Variants in LRP2 observed in about 807,000 individuals in gnomAD.
The protein encoded by LRP2 is LDL receptor related protein 2.
Under a neutral mutation model 531.0 loss-of-function variants are expected in LRP2, and 172 were observed. The ratio of observed to expected loss-of-function variants is 0.32; its 90% confidence interval spans 0.29 to 0.37. The LOEUF (loss-of-function observed/expected upper bound fraction) is 0.37, where lower values mean the gene tolerates loss of function less well. Ranked by LOEUF, LRP2 falls within the 10% of genes least tolerant of loss-of-function variation. The pLI is 1.00. For missense variants in LRP2, 5,167 were observed against 5,868.3 expected (o/e 0.88, Z 3.90); for synonymous variants, 1,992 against 2,027.6 (o/e 0.98, Z 0.47).
At chr2:169,275,399 A>C in intron 13 of LRP2, 161 bp from the exon 14 acceptor site, 1 of 645,426 alleles carries the variant, frequency 1.5e-6, no homozygotes, top group Non-Finnish European at 2.7e-6. Context: ...ACATATTTCC[A>C]TCTACATATG....
intron 2 of LRP2, among the ~76,000 whole-genome samples, chr2:169,319,601 T>C (rs1450461730): frequency 6.6e-6 from 1 of 152,216 alleles, no homozygotes; most frequent in Admixed American, 6.5e-5. Flanking sequence ...CCTTGCCTTT[T>C]TGCTTTTATT....
At chr2:169,187,295 T>C (rs1687667727) in intron 49 of LRP2, among the ~76,000 whole-genome samples, 1 of 152,234 alleles carries the variant, frequency 6.6e-6, no homozygotes, top group South Asian at 2.1e-4. Context: ...CTACATTACA[T>C]ACTTCTGGGT....
At chr2:169,312,732 G>A (rs1684648576) in intron 3 of LRP2, among the ~76,000 whole-genome samples, 2 of 152,170 alleles carry the variant, frequency 1.3e-5, no homozygotes, top group Admixed American at 1.3e-4. Flanking sequence ...TGTATTTCCT[G>A]AATTTGAGTG....
chr2:169,212,013 C>A lies in LRP2; in HGVS notation c.6235G>T (p.Glu2079Ter). The change falls in exon 37 of 79, where the codon GAA becomes TAA. Residue 2079 changes from glutamate (E) to a stop codon, truncating the protein, a stop_gained. Coordinates refer to ENST00000649046, the MANE Select transcript of LRP2 (RefSeq NM_004525.3). LOFTEE classifies it high-confidence loss of function. The stretch of plus-strand genomic sequence containing the variant: ...ATGGTTTCTGAATGATCTGACAATT[C>A]CAAGCTAAAGCCTCTGATTGCAGAC... The part of the protein sequence containing the change: ...MLSAIRGFSL[E>*]LSDHSETMVP... 1 of 1,613,944 alleles carries A rather than the reference C, an allele frequency of 6.2e-7. No homozygotes were observed. Among genetic ancestry groups the A allele is most frequent in the South Asian group, 1.1e-5 (1 of 91,074 alleles).
At chr2:169,311,722 G>A (rs1684603248) in intron 3 of LRP2, among the ~76,000 whole-genome samples, 1 of 152,106 alleles carries the variant, frequency 6.6e-6, no homozygotes, top group Non-Finnish European at 1.5e-5. Context: ...AGGTCTGCTT[G>A]GTGCAGAGCT....
At chr2:169,220,331 T>C (rs879204189) in intron 34 of LRP2, 123 bp downstream of exon 34, 4 of 744,798 alleles carry the variant, frequency 5.4e-6, no homozygotes, top group South Asian at 4.4e-5. Flanking sequence ...GATCTATTAT[T>C]TTTCAAATGT....
At chr2:169,221,845 C>T (rs1156600191) in intron 33 of LRP2, among the ~76,000 whole-genome samples, 1 of 152,108 alleles carries the variant, frequency 6.6e-6, no homozygotes, top group Non-Finnish European at 1.5e-5. Flanking sequence ...TCTCCTTTTC[C>T]TAAGACTAAG....
intron 31 of LRP2, among the ~76,000 whole-genome samples, chr2:169,227,677 G>T (rs1286202116): frequency 1.3e-5 from 2 of 152,006 alleles, no homozygotes; most frequent in Non-Finnish European, 2.9e-5. Flanking sequence ...GGATGACTTG[G>T]TCATTTTTTC....
chr2:169,244,790 G>A lies in LRP2; in HGVS notation c.3333C>T (p.Asp1111=), dbSNP rs372322747. Residue 1111 remains aspartate, a synonymous_variant, in exon 22 of 79, where the codon GAC becomes GAT. Coordinates refer to ENST00000649046, the MANE Select transcript of LRP2 (RefSeq NM_004525.3). ...CPTHAPASCL[D]TQYTCDNHQC... Reference sequence around the variant, plus strand: ...GGTGATTATCACAGGTGTATTGGGTGTCAAGGCAGGAAGCAGGTGCGTGGG... The same window carrying A: ...GGTGATTATCACAGGTGTATTGGGTATCAAGGCAGGAAGCAGGTGCGTGGG... The A allele has an allele frequency of 1.4e-4, 221 of 1,614,254 alleles. No individual in the cohort carries two copies. The South Asian group carries it at 1.5e-3, about 11-fold the overall frequency.
In LRP2 at chr2:169,257,131, C is replaced by T. The variant is rs766975916; in HGVS notation, c.2632G>A (p.Asp878Asn). The T allele has an allele frequency of 5.8e-5, 93 of 1,612,490 alleles. No homozygotes were observed. The highest frequency in any genetic ancestry group is 7.0e-5 in the Non-Finnish European group (82 of 1,179,020). Residue 878 changes from aspartate (D) to asparagine (N), a missense_variant, in exon 18 of 79, where the codon GAT (aspartate) becomes AAT (asparagine). This residue lies in a region of LRP2 where 2,811 missense variants were observed against 3,058.0 expected (regional missense o/e 0.92). Transcript: ENST00000649046. ...ATGATGATTCCTACTTACGCCCAAT[C>T]GATGGCCAAGCCATTGGGCCATCCA... Reference protein sequence around the residue: ...TLGWPNGLAIDWAASRLYWVD... With the variant: ...TLGWPNGLAINWAASRLYWVD...
At chr2:169,324,550 G>A (rs546713685) in intron 1 of LRP2, among the ~76,000 whole-genome samples, 3 of 151,260 alleles carry the variant, frequency 2.0e-5, no homozygotes, top group South Asian at 2.1e-4. Context: ...AAATTTAAGC[G>A]TTTTGAAATC....
At position 169,187,966 on chromosome 2, in the gene LRP2, T is replaced by A; in HGVS notation, c.9328+4A>T. 1 of 1,614,046 alleles carries A rather than the reference T, an allele frequency of 6.2e-7. No homozygotes were observed. The highest frequency in any genetic ancestry group is 8.5e-7 in the Non-Finnish European group (1 of 1,179,914). The stretch of plus-strand genomic sequence containing the variant: ...CCTTTTCCCAAATCCTCTGTTGTAC[T>A]CACCACAGCCTTTCTCATCGCTGTT... On this transcript the variant is annotated splice_donor_region_variant and intron_variant, in intron 49 of 78. Coordinates refer to ENST00000649046, the MANE Select transcript of LRP2 (RefSeq NM_004525.3).
intron 1 of LRP2, among the ~76,000 whole-genome samples, chr2:169,334,417 G>C (rs1320334149): frequency 6.6e-6 from 1 of 152,164 alleles, no homozygotes; most frequent in Non-Finnish European, 1.5e-5. Flanking sequence ...CAAGAATAGA[G>C]TTTTCAGTGG....
chr2:169,360,752 G>T (rs1686127335), intron 1 of LRP2, among the ~76,000 whole-genome samples: 1 of 152,174 alleles, frequency 6.6e-6, no homozygotes, highest in African/African-American at 2.4e-5. Flanking sequence ...ATCTCTCCTT[G>T]CCTCTCCTGC....
intron 11 of LRP2, among the ~76,000 whole-genome samples, 156 bp from the exon 12 acceptor site, chr2:169,279,751 T>C (rs191049393): frequency 2.7e-4 from 41 of 152,306 alleles, no homozygotes; most frequent in Non-Finnish European, 4.0e-4. Flanking sequence ...TAAATGAGAA[T>C]CGTATTAATG....
In LRP2 at chr2:169,284,369, A is replaced by G. The variant is rs937966081; in HGVS notation, c.1043-1368T>C. Among the ~76,000 whole-genome samples the G allele has an allele frequency of 9.2e-5, 13 of 141,464 alleles. No individual in the cohort carries two copies. The East Asian group carries it at 2.3e-3, about 25-fold the overall frequency. The allele number at this position is 141,464 out of a possible 152,430, so 92.8% of individuals were successfully genotyped here. A position where few individuals can be genotyped will look rare whatever the true frequency, so the allele number is the denominator to read the frequency against. On this transcript the variant is annotated intron_variant, in intron 9 of 78. Transcript: ENST00000649046. The stretch of plus-strand genomic sequence containing the variant: ...AACCTCCGCCTCCCGGGTTCAAGTG[A>G]TCCTTCCACCTCAGCCTACCGAGTA...
chr2:169,148,337 T>A (rs747380908), intron 68 of LRP2, among the ~76,000 whole-genome samples: 4 of 133,322 alleles, frequency 3.0e-5, no homozygotes, highest in Admixed American at 1.7e-4. Flanking sequence ...GAACAGGGTT[T>A]CTTTGTAGGG....
intron 4 of LRP2, among the ~76,000 whole-genome samples, chr2:169,296,554 C>G (rs1287708498): frequency 6.6e-6 from 1 of 151,806 alleles, no homozygotes; most frequent in Non-Finnish European, 1.5e-5. Context: ...TGTTATCTAG[C>G]CTTTTAAGAG....
chr2:169,282,999 A>C lies in LRP2; in HGVS notation c.1045T>G (p.Phe349Val), dbSNP rs763607200. 6.2e-7 allele frequency: 1 copy of C among 1,613,848 alleles called. No homozygotes were observed. The highest frequency in any genetic ancestry group is 1.1e-5 in the South Asian group (1 of 91,064). Residue 349 changes from phenylalanine to valine, a missense_variant and splice_region_variant, in exon 10 of 79, where the codon TTT becomes GTT. Phe to Val is a conservative substitution (Grantham distance 50). Coordinates refer to ENST00000649046, the MANE Select transcript of LRP2 (RefSeq NM_004525.3). ...ATTCCCCATATCTGGCAATCATCAA[A>C]CTCTGCCATATGGAAAATACACATT... ...NHNDSRTCVEFDDCQIWGICD... is the reference protein window; with the variant it reads ...NHNDSRTCVEVDDCQIWGICD...
Sources: allele counts gnomAD v4.1 joint callset (sites outside exome capture counted in the v4.1 genomes callset), GRCh38; gene constraint gnomAD v4.1.1; regional missense constraint gnomAD v4.1.1; transcripts MANE v1.5; gene names NCBI Gene and HGNC (gene_info 2026-07-23, HGNC 2026-07-21).